FHIT: variants seen among roughly 807,000 people sequenced by gnomAD.
FHIT encodes fragile histidine triad diadenosine triphosphatase.
Under a neutral mutation model 17.9 loss-of-function variants are expected in FHIT, and 19 were observed. That is an observed-to-expected ratio of 1.06 (90% CI 0.74 to 1.56). The LOEUF (loss-of-function observed/expected upper bound fraction) is 1.56. FHIT is among the 40% of genes most tolerant of loss of function. FHIT has a pLI of 0.00. For synonymous variants in FHIT, 81 were observed against 69.7 expected, an observed-to-expected ratio of 1.16 and a Z score of -0.81; for missense variants, 248 against 189.2, an observed-to-expected ratio of 1.31 and a Z score of -1.82.
intron 5 of FHIT, among the ~76,000 whole-genome samples, chr3:60,359,193 G>C (rs1178703111): frequency 1.3e-5 from 2 of 151,386 alleles, no homozygotes; most frequent in Non-Finnish European, 2.9e-5. Flanking sequence ...GAACAGAGTA[G>C]ACTGGCTTGA....
chr3:61,056,864 C>G (rs755427082), intron 2 of FHIT, among the ~76,000 whole-genome samples: 2 of 152,150 alleles, frequency 1.3e-5, no homozygotes, highest in Non-Finnish European at 2.9e-5. Context: ...TTTGTGACTC[C>G]TTTATGTTTG....
At chr3:59,794,606 C>T (rs970635607) in intron 8 of FHIT, among the ~76,000 whole-genome samples, 1 of 152,220 alleles carries the variant, frequency 6.6e-6, no homozygotes, top group Non-Finnish European at 1.5e-5. Context: ...GAGACAGCTG[C>T]TGTTATCTTC....
chr3:60,071,834 G>A (rs1702785957), intron 5 of FHIT, among the ~76,000 whole-genome samples: 1 of 152,166 alleles, frequency 6.6e-6, no homozygotes, highest in African/African-American at 2.4e-5. Flanking sequence ...TTCCCATGCT[G>A]TTCTCATGAT....
chr3:61,230,227 T>C (rs373854027), intron 1 of FHIT, among the ~76,000 whole-genome samples: 6 of 152,168 alleles, frequency 3.9e-5, no homozygotes, highest in African/African-American at 1.4e-4. Flanking sequence ...TGGAGCCTAG[T>C]GAGAGGTAAT....
intron 4 of FHIT, among the ~76,000 whole-genome samples, chr3:60,756,838 T>C (rs1288590745): frequency 6.6e-6 from 1 of 152,194 alleles, no homozygotes; most frequent in Non-Finnish European, 1.5e-5. Flanking sequence ...GGTCTTTTTG[T>C]CTGTATAGCA....
Position 61,063,819 on chromosome 3 carries a change from C to T in FHIT, c.-163-21720G>A, listed in dbSNP as rs1321157470. 2.6e-5 allele frequency among the ~76,000 whole-genome samples: 4 copies of T among 152,086 alleles called. No homozygotes were observed. In the East Asian group the frequency reaches 5.8e-4, roughly 22 times the overall value. On this transcript the variant is annotated intron_variant, in intron 2 of 9. Coordinates refer to ENST00000492590, the MANE Select transcript of FHIT (RefSeq NM_002012.4). ...ATTTTTTTAACAGAAGAAAAAAAAT[C>T]CAATTTTAATGCAAAATGTTTCTAT...
intron 3 of FHIT, among the ~76,000 whole-genome samples, chr3:61,014,909 T>C (rs1489140096): frequency 6.7e-6 from 1 of 148,880 alleles, no homozygotes; most frequent in African/African-American, 2.5e-5. Flanking sequence ...CATATACATA[T>C]ATATATGTGT....
At chr3:59,862,159 A>C (rs985152873) in intron 8 of FHIT, among the ~76,000 whole-genome samples, 3 of 152,270 alleles carry the variant, frequency 2.0e-5, no homozygotes, top group Non-Finnish European at 4.4e-5. Context: ...ATGGACTCAC[A>C]GCCCCACATG....
chr3:61,032,132 C>T (rs2107669554), intron 3 of FHIT, among the ~76,000 whole-genome samples: 1 of 152,154 alleles, frequency 6.6e-6, no homozygotes, highest in Non-Finnish European at 1.5e-5. Flanking sequence ...TTCGTGTATT[C>T]CTTCATTCAT....
chr3:60,829,331 GCTT>G (rs2106807343), intron 3 of FHIT, among the ~76,000 whole-genome samples: 1 of 152,298 alleles, frequency 6.6e-6, no homozygotes, highest in African/African-American at 2.4e-5. Context: ...AAACTGGAAT[GCTT>G]TCTCTGGTCA....
intron 4 of FHIT, among the ~76,000 whole-genome samples, chr3:60,559,488 C>A (rs1242547488): frequency 2.0e-5 from 3 of 152,164 alleles, no homozygotes; most frequent in Admixed American, 6.5e-5. Flanking sequence ...TGCACTTTTC[C>A]AGCACTTTCT....
At chr3:60,535,239 A>G (rs953267093) in intron 5 of FHIT, among the ~76,000 whole-genome samples, 39 of 152,076 alleles carry the variant, frequency 2.6e-4, no homozygotes, top group African/African-American at 9.2e-4. Context: ...GAACAACAAC[A>G]AAAAAAAGTG....
intron 3 of FHIT, among the ~76,000 whole-genome samples, chr3:60,866,748 T>C (rs920465855): frequency 8.5e-5 from 13 of 152,176 alleles, no homozygotes; most frequent in African/African-American, 2.7e-4. Context: ...ACAAGCTGCT[T>C]TTCATATTTA....
chr3:60,104,834 T>G (rs1213420044), intron 5 of FHIT, among the ~76,000 whole-genome samples: 1 of 152,120 alleles, frequency 6.6e-6, no homozygotes, highest in Admixed American at 6.5e-5. Flanking sequence ...TCCAGGAAAC[T>G]TAGTTACTAT....
chr3:60,395,350 T>C (rs1291879895), intron 5 of FHIT, among the ~76,000 whole-genome samples: 2 of 152,212 alleles, frequency 1.3e-5, no homozygotes, highest in Admixed American at 6.5e-5. Context: ...CCCCATTTTA[T>C]AGATGCAGAC....
At chr3:59,803,199 A>T (rs1471354468) in intron 8 of FHIT, among the ~76,000 whole-genome samples, 1 of 152,230 alleles carries the variant, frequency 6.6e-6, no homozygotes, top group African/African-American at 2.4e-5. Context: ...AAAGCTCAGT[A>T]CATTAATTAT....
intron 2 of FHIT, among the ~76,000 whole-genome samples, chr3:61,183,070 A>C (rs958958343): frequency 2.0e-5 from 3 of 152,178 alleles, no homozygotes; most frequent in Non-Finnish European, 4.4e-5. Flanking sequence ...GGGATTCCCA[A>C]TGTGGGGAGA....
At chr3:59,975,178 A>T (rs532896752) in intron 7 of FHIT, among the ~76,000 whole-genome samples, 1 of 152,166 alleles carries the variant, frequency 6.6e-6, no homozygotes, top group South Asian at 2.1e-4. Context: ...CAAATGAATG[A>T]GATTCTTGGC....
chr3:60,573,443 G>C (rs1461989265), intron 4 of FHIT, among the ~76,000 whole-genome samples: 3 of 152,080 alleles, frequency 2.0e-5, no homozygotes, highest in African/African-American at 7.3e-5. Flanking sequence ...AACTGTAGTG[G>C]GTATAGAAAG....
Sources: allele counts gnomAD v4.1 joint callset (sites outside exome capture counted in the v4.1 genomes callset), GRCh38; gene constraint gnomAD v4.1.1; transcripts MANE v1.5; gene names NCBI Gene and HGNC (gene_info 2026-07-23, HGNC 2026-07-21).